Variants in ATXN8OS observed in about 807,000 individuals in gnomAD.
ATXN8OS encodes the protein ATXN8 opposite strand lncRNA, also known as ATXN8 opposite strand (non-protein coding).
chr13:70,115,175 A>T (rs1328617), exon 2 of ATXN8OS: 4 of 398,282 alleles, frequency 1.0e-5, no homozygotes, highest in Middle Eastern at 6.3e-4. Context: ...CCAATGCACG[A>T]GAATTTGGTC....
intron 3 of ATXN8OS, among the ~76,000 whole-genome samples, chr13:70,135,476 C>G (rs1888599775): frequency 6.6e-6 from 1 of 152,012 alleles, no homozygotes; most frequent in Non-Finnish European, 1.5e-5. Context: ...GATAAACTGT[C>G]TATTCCTATG....
At chr13:70,168,894 C>T (rs1889110607) in intron 4 of ATXN8OS, among the ~76,000 whole-genome samples, 1 of 152,066 alleles carries the variant, frequency 6.6e-6, no homozygotes, top group Admixed American at 6.6e-5. Flanking sequence ...ATTTTGTCTG[C>T]ACTGTTCTTT....
chr13:70,171,581 G>A (rs746907555), exon 5 of ATXN8OS, among the ~76,000 whole-genome samples: 6 of 152,048 alleles, frequency 3.9e-5, no homozygotes, highest in Non-Finnish European at 7.4e-5. Flanking sequence ...TAATTTTTCA[G>A]CTTCATCATA....
intron 1 of ATXN8OS, among the ~76,000 whole-genome samples, chr13:70,109,586 G>A (rs1480978468): frequency 6.6e-6 from 1 of 152,144 alleles, no homozygotes; most frequent in Admixed American, 6.5e-5. Flanking sequence ...CCTATTTTTA[G>A]GGGAATAAAA....
intron 1 of ATXN8OS, among the ~76,000 whole-genome samples, chr13:70,112,920 A>ATTTTT (rs759144765): frequency 1.1e-5 from 1 of 87,590 alleles, no homozygotes; most frequent in Non-Finnish European, 2.2e-5. Context: ...TATATATATA[A>ATTTTT]TTTTTTTTTT....
At chr13:70,133,939 TC>T (rs1426451056) in intron 3 of ATXN8OS, among the ~76,000 whole-genome samples, 3 of 152,210 alleles carry the variant, frequency 2.0e-5, no homozygotes, top group Non-Finnish European at 4.4e-5. Context: ...GTCATATCCT[TC>T]CAGAAATTAA....
chr13:70,132,730 C>T (rs566908655), intron 3 of ATXN8OS, among the ~76,000 whole-genome samples: 3 of 152,178 alleles, frequency 2.0e-5, no homozygotes, highest in South Asian at 2.1e-4. Context: ...GAATTCTACA[C>T]ATTTATTGGC....
intron 1 of ATXN8OS, among the ~76,000 whole-genome samples, chr13:70,112,945 TG>T (rs1888219445): frequency 8.0e-6 from 1 of 125,010 alleles, no homozygotes; most frequent in Non-Finnish European, 1.7e-5. Context: ...TTTTTTGAGA[TG>T]GAGTCTCGCT....
chr13:70,139,430 AT>A, intron 3 of ATXN8OS: 1 of 608,254 alleles, frequency 1.6e-6, no homozygotes, highest in Non-Finnish European at 2.7e-6. Flanking sequence ...CTGCTGCTGC[AT>A]TTTTTAAAAA....
intron 3 of ATXN8OS, among the ~76,000 whole-genome samples, chr13:70,134,502 T>C (rs909091000): frequency 6.6e-6 from 1 of 152,152 alleles, no homozygotes; most frequent in East Asian, 1.9e-4. Context: ...CAGAACTCCA[T>C]GCACTGGTTA....
chr13:70,108,675 C>T (rs1332505537), intron 1 of ATXN8OS, among the ~76,000 whole-genome samples: 3 of 152,218 alleles, frequency 2.0e-5, no homozygotes, highest in South Asian at 4.1e-4. Context: ...GGAAAGAAAA[C>T]AGGCATTATG....
intron 4 of ATXN8OS, among the ~76,000 whole-genome samples, chr13:70,168,970 T>C (rs958640466): frequency 1.3e-5 from 2 of 152,156 alleles, no homozygotes; most frequent in East Asian, 3.9e-4. Context: ...TTGTTAACTA[T>C]AGAAGAAATT....
At chr13:70,119,881 C>A (rs956952350) in intron 2 of ATXN8OS, among the ~76,000 whole-genome samples, 25 of 150,896 alleles carry the variant, frequency 1.7e-4, no homozygotes, top group African/African-American at 5.9e-4. Context: ...GTTCCATCCA[C>A]AAGATATTTC....
chr13:70,118,031 T>C (rs867332043), intron 2 of ATXN8OS, among the ~76,000 whole-genome samples: 2 of 152,056 alleles, frequency 1.3e-5, no homozygotes, highest in Non-Finnish European at 2.9e-5. Context: ...ATGACAAAAA[T>C]TGAAAATCAA....
intron 3 of ATXN8OS, among the ~76,000 whole-genome samples, chr13:70,145,303 C>A (rs1199639717): frequency 6.6e-6 from 1 of 151,938 alleles, no homozygotes; most frequent in Non-Finnish European, 1.5e-5. Flanking sequence ...CGGCTTTGTT[C>A]TTTTGGCTTA....
At chr13:70,139,380 A>ACTGCTGCTGGTGCTGCTGCTG in intron 3 of ATXN8OS, 1 of 574,178 alleles carries the variant, frequency 1.7e-6, no homozygotes, top group Non-Finnish European at 3.0e-6. Context: ...TACTACTACT[A>ACTGCTGCTGGTGCTGCTGCTG]CTACTGCTGC....
chr13:70,149,758 C>T (rs1888839300), intron 4 of ATXN8OS, among the ~76,000 whole-genome samples: 1 of 152,088 alleles, frequency 6.6e-6, no homozygotes, highest in African/African-American at 2.4e-5. Flanking sequence ...GGGACATTAT[C>T]TGACTAAAAT....
At chr13:70,131,281 T>A (rs566253579) in intron 3 of ATXN8OS, 1 of 398,520 alleles carries the variant, frequency 2.5e-6, no homozygotes, top group Non-Finnish European at 4.4e-6. Flanking sequence ...TAGTCTATGC[T>A]ATGAACATCT....
chr13:70,159,747 C>T (rs988989260), intron 4 of ATXN8OS, among the ~76,000 whole-genome samples: 1 of 152,182 alleles, frequency 6.6e-6, no homozygotes. Flanking sequence ...TTCTTCTTTC[C>T]TGTAGTTTTA....
Sources: gnomAD v4.1 joint callset for allele counts (sites outside exome capture counted in the v4.1 genomes callset) on GRCh38, gnomAD v4.1.1 for gene constraint, MANE v1.5 for transcripts, NCBI Gene and HGNC (gene_info 2026-07-23, HGNC 2026-07-21) for gene names.